NSRP1: variants seen among roughly 807,000 people sequenced by gnomAD.
The protein encoded by NSRP1 is nuclear speckle splicing regulatory protein 1, also known as coiled-coil domain containing 55.
NSRP1 carries 24 observed loss-of-function variants against 54.7 expected under a neutral mutation model. That is an observed-to-expected ratio of 0.44 (90% CI 0.32 to 0.62). The LOEUF (loss-of-function observed/expected upper bound fraction) is 0.62. Ranked by LOEUF, NSRP1 falls within the 20% of genes least tolerant of loss-of-function variation. The pLI is 0.06. For missense variants in NSRP1, 596 were observed against 651.2 expected (o/e 0.92, Z 0.92); for synonymous variants, 210 against 213.8 (o/e 0.98, Z 0.15).
At chr17:30,164,717 G>C (rs202021338) in intron 2 of NSRP1, among the ~76,000 whole-genome samples, 1 of 152,254 alleles carries the variant, frequency 6.6e-6, no homozygotes, top group East Asian at 1.9e-4. Context: ...AGGATTGCTT[G>C]AGCCCGGGAG....
chr17:30,177,893 A>T, intron 3 of NSRP1, 178 bp from the exon 4 acceptor site: 2 of 722,092 alleles, frequency 2.8e-6, no homozygotes, highest in South Asian at 3.1e-5. Flanking sequence ...GTAAGTGTAG[A>T]GCCAGCATTC....
chr17:30,178,940 A>G (rs1387567228), intron 4 of NSRP1, 150 bp from the exon 5 acceptor site: 1 of 419,316 alleles, frequency 2.4e-6, no homozygotes, highest in Non-Finnish European at 4.1e-6. Context: ...CAGTTTCAAT[A>G]TTAATCTTGC....
chr17:30,171,511 G>T (rs1904932416), intron 2 of NSRP1, among the ~76,000 whole-genome samples: 1 of 151,890 alleles, frequency 6.6e-6, no homozygotes, highest in East Asian at 1.9e-4. Flanking sequence ...TCACCATGTT[G>T]GCCAGGCTGG....
chr17:30,147,132 C>CT (rs112865148), intron 2 of NSRP1, among the ~76,000 whole-genome samples: 68,895 of 140,306 alleles, frequency 0.49, 17,220 homozygotes, highest in East Asian at 0.81. Flanking sequence ...CTTTTCTTTT[C>CT]TTTTTTTTTT....
chr17:30,125,736 T>C (rs2071644055), intron 2 of NSRP1: 2 of 152,124 alleles, frequency 1.3e-5, no homozygotes, highest in African/African-American at 2.4e-5. Context: ...TTTGTAGAGA[T>C]GGGGTTTTGC....
At chr17:30,151,169 GAA>G (rs1359737484) in intron 2 of NSRP1, among the ~76,000 whole-genome samples, 2 of 151,922 alleles carry the variant, frequency 1.3e-5, no homozygotes, top group Admixed American at 1.3e-4. Flanking sequence ...TTTCTTCTTT[GAA>G]AAAAGTGTTC....
At chr17:30,134,487 G>A (rs996208252) in intron 2 of NSRP1, among the ~76,000 whole-genome samples, 1 of 152,152 alleles carries the variant, frequency 6.6e-6, no homozygotes, top group Non-Finnish European at 1.5e-5. Flanking sequence ...TAATGGTACG[G>A]TCATTGTAAT....
At chr17:30,141,167 T>C (rs996459038) in intron 2 of NSRP1, among the ~76,000 whole-genome samples, 3 of 146,376 alleles carry the variant, frequency 2.0e-5, no homozygotes, top group Non-Finnish European at 4.7e-5. Context: ...TTTTCTATTT[T>C]ATTACTTTTT....
At chr17:30,133,282 A>G (rs1330666434) in intron 2 of NSRP1, among the ~76,000 whole-genome samples, 1 of 152,082 alleles carries the variant, frequency 6.6e-6, no homozygotes, top group African/African-American at 2.4e-5. Context: ...TAAGCCTTGA[A>G]GGTCAGAATT....
intron 2 of NSRP1, among the ~76,000 whole-genome samples, chr17:30,159,305 T>A (rs2143005612): frequency 1.3e-5 from 2 of 152,336 alleles, no homozygotes; most frequent in Middle Eastern, 6.8e-3. Flanking sequence ...TTCATGTTGA[T>A]TTTGTGTCTT....
At chr17:30,136,614 G>A (rs2071753080) in intron 2 of NSRP1, among the ~76,000 whole-genome samples, 1 of 152,052 alleles carries the variant, frequency 6.6e-6, no homozygotes, top group Non-Finnish European at 1.5e-5. Context: ...CTGGGTGACA[G>A]CATTTTTTTA....
At chr17:30,121,386 C>G (rs2071594828) in intron 2 of NSRP1, among the ~76,000 whole-genome samples, 1 of 148,000 alleles carries the variant, frequency 6.8e-6, no homozygotes, top group African/African-American at 2.5e-5. Flanking sequence ...AGCGATACCA[C>G]AGAAATAAGT....
At chr17:30,149,014 A>G (rs1328366773) in intron 2 of NSRP1, among the ~76,000 whole-genome samples, 1 of 151,968 alleles carries the variant, frequency 6.6e-6, no homozygotes, top group Non-Finnish European at 1.5e-5. Flanking sequence ...CAATCTTCCT[A>G]AGTTTCTTTT....
At chr17:30,173,370 C>T (rs999990757) in intron 3 of NSRP1, among the ~76,000 whole-genome samples, 2 of 152,152 alleles carry the variant, frequency 1.3e-5, no homozygotes, top group African/African-American at 4.8e-5. Context: ...ATCTGAAACT[C>T]AAAAAGGATA....
intron 2 of NSRP1, among the ~76,000 whole-genome samples, chr17:30,160,351 T>C (rs1423006707): frequency 1.3e-5 from 2 of 152,224 alleles, no homozygotes; most frequent in Admixed American, 6.5e-5. Context: ...CCTTCTCTTT[T>C]ATTTTTTGGA....
intron 2 of NSRP1, among the ~76,000 whole-genome samples, chr17:30,145,531 C>G (rs539719996): frequency 2.0e-5 from 3 of 152,046 alleles, no homozygotes; most frequent in Non-Finnish European, 2.9e-5. Flanking sequence ...TGCAGCGAGC[C>G]GAGATCACGC....
At chr17:30,163,601 G>A (rs1904615603) in intron 2 of NSRP1, among the ~76,000 whole-genome samples, 1 of 150,706 alleles carries the variant, frequency 6.6e-6, no homozygotes, top group African/African-American at 2.4e-5. Flanking sequence ...ACAGAACAAT[G>A]AAGGGAGAAA....
intron 2 of NSRP1, among the ~76,000 whole-genome samples, chr17:30,122,260 T>C (rs2071604352): frequency 6.7e-6 from 1 of 148,798 alleles, no homozygotes; most frequent in South Asian, 2.1e-4. Flanking sequence ...GTGTATAGGT[T>C]TTTTGTGTGG....
At position 30,185,272 on chromosome 17, in the gene NSRP1, G is replaced by A; in HGVS notation, c.1275G>A (p.Lys425=). The A allele has an allele frequency of 6.2e-7, 1 of 1,601,222 alleles. No homozygotes were observed. Among genetic ancestry groups the A allele is most frequent in the Non-Finnish European group, 8.5e-7 (1 of 1,175,302 alleles). ...KAKEEHMKVR[K]ERYENNDKYR... ...AGGAAGAGCATATGAAAGTAAGGAA[G>A]GAAAGATATGAAAATAATGATAAAT... Residue 425 remains lysine, a synonymous_variant, in exon 7 of 7, where the codon AAG becomes AAA. Transcript: ENST00000247026.
Sources: allele counts gnomAD v4.1 joint callset (sites outside exome capture counted in the v4.1 genomes callset), GRCh38; gene constraint gnomAD v4.1.1; transcripts MANE v1.5; gene names NCBI Gene and HGNC (gene_info 2026-07-23, HGNC 2026-07-21).